Variants in ST6GALNAC3 observed in about 807,000 individuals in gnomAD.
ST6GALNAC3 encodes the protein alpha-N-acetylgalactosaminide alpha-2,6-sialyltransferase 3.
In ST6GALNAC3, 25 loss-of-function variants were observed where a neutral mutation model predicts 32.7. That is an observed-to-expected ratio of 0.76 (90% CI 0.56 to 1.07). ST6GALNAC3 has a LOEUF of 1.07. Among genes scored for constraint, ST6GALNAC3 ranks in the 50% least tolerant of loss-of-function variants. The pLI is 0.00. For synonymous variants in ST6GALNAC3, 129 were observed against 133.1 expected (o/e 0.97, Z 0.21); for missense variants, 355 against 382.4 (o/e 0.93, Z 0.60).
At chr1:76,141,623 G>A (rs1650328733) in intron 1 of ST6GALNAC3, among the ~76,000 whole-genome samples, 1 of 152,162 alleles carries the variant, frequency 6.6e-6, no homozygotes, top group African/African-American at 2.4e-5. Flanking sequence ...TGTACAGATG[G>A]ATTTTTGCCA....
At chr1:76,320,052 A>G (rs1646937781) in intron 2 of ST6GALNAC3, among the ~76,000 whole-genome samples, 1 of 152,224 alleles carries the variant, frequency 6.6e-6, no homozygotes, top group Non-Finnish European at 1.5e-5. Flanking sequence ...TCTCCAGACA[A>G]TCTATGAGTG....
chr1:76,348,325 C>T lies in ST6GALNAC3; in HGVS notation c.213+34326C>T, dbSNP rs534501608. On this transcript the variant is annotated intron_variant, in intron 2 of 4. Transcript: ENST00000328299. ...ATCACCTGTGATTTTTGTATATTTCCGAATGTGTAAGTATCTTTCCCAGTA... is the reference window on the plus strand; with the variant it reads ...ATCACCTGTGATTTTTGTATATTTCTGAATGTGTAAGTATCTTTCCCAGTA... Among the ~76,000 whole-genome samples, 19 of 152,222 alleles carry T rather than the reference C, an allele frequency of 1.2e-4. No individual in the cohort carries two copies. In the South Asian group the frequency reaches 1.7e-3, roughly 13 times the overall value.
intron 2 of ST6GALNAC3, among the ~76,000 whole-genome samples, chr1:76,322,795 G>C (rs555848496): frequency 2.1e-5 from 3 of 145,400 alleles, no homozygotes; most frequent in African/African-American, 7.8e-5. Flanking sequence ...GGTTAACCGA[G>C]TCATCTGACT....
downstream of ST6GALNAC3, among the ~76,000 whole-genome samples, chr1:76,635,466 C>T (rs1283920184): frequency 6.6e-6 from 1 of 152,140 alleles, no homozygotes; most frequent in East Asian, 1.9e-4. Flanking sequence ...CTATCACCAT[C>T]TCATATATAA....
rs576353103 is a variant in ST6GALNAC3, at chr1:76,247,000, T to C, written c.19-66805T>C. Among the ~76,000 whole-genome samples, 5 of 152,260 alleles carry C rather than the reference T, an allele frequency of 3.3e-5. No homozygotes were observed. In the East Asian group the frequency reaches 9.7e-4, roughly 29 times the overall value. On this transcript the variant is annotated intron_variant, in intron 1 of 4. Transcript: ENST00000328299. ...GGATGGGGTTTTTGTGTGGGGGTCT[T>C]TTTTGTTGATGTTGTTGTTGCTTTC... is the stretch of plus-strand genomic sequence containing the variant.
At chr1:76,169,131 G>A (rs1652313585) in intron 1 of ST6GALNAC3, among the ~76,000 whole-genome samples, 2 of 152,120 alleles carry the variant, frequency 1.3e-5, no homozygotes, top group Non-Finnish European at 2.9e-5. Context: ...ATGAGCTGTT[G>A]TAAGGTAGGT....
At chr1:76,552,733 T>C (rs1664709384) in intron 3 of ST6GALNAC3, among the ~76,000 whole-genome samples, 1 of 152,224 alleles carries the variant, frequency 6.6e-6, no homozygotes, top group African/African-American at 2.4e-5. Flanking sequence ...TTTATTTTTA[T>C]TTTTCTTTTC....
intron 3 of ST6GALNAC3, among the ~76,000 whole-genome samples, chr1:76,448,392 T>A (rs6593540): frequency 1 from 152,062 of 152,326 alleles, 75,900 homozygotes; most frequent in East Asian, 1. Flanking sequence ...GAGACGTTGG[T>A]CTATGGACTT....
chr1:76,628,497 GA>G, intron 4 of ST6GALNAC3, 122 bp from the exon 5 acceptor site: 1 of 936,622 alleles, frequency 1.1e-6, no homozygotes, highest in Non-Finnish European at 1.5e-6. Context: ...TGAGTTCATG[GA>G]CAAGAATCAT....
chr1:76,566,941 T>G (rs1286595063), intron 3 of ST6GALNAC3, among the ~76,000 whole-genome samples: 3 of 152,160 alleles, frequency 2.0e-5, no homozygotes, highest in Non-Finnish European at 2.9e-5. Flanking sequence ...TCCACATCCT[T>G]GTGATTCACT....
chr1:76,462,582 A>C (rs918793775), intron 3 of ST6GALNAC3, among the ~76,000 whole-genome samples: 1 of 152,122 alleles, frequency 6.6e-6, no homozygotes, highest in Admixed American at 6.5e-5. Context: ...CATGCATGGC[A>C]CATAGAAAGA....
chr1:76,163,953 A>G (rs1486511542), intron 1 of ST6GALNAC3, among the ~76,000 whole-genome samples: 1 of 152,116 alleles, frequency 6.6e-6, no homozygotes, highest in East Asian at 1.9e-4. Flanking sequence ...ATTCCTCCAG[A>G]TGTATTTTGC....
chr1:76,102,231 G>C (rs1647253849), intron 1 of ST6GALNAC3, among the ~76,000 whole-genome samples: 2 of 104,942 alleles, frequency 1.9e-5, no homozygotes, highest in Non-Finnish European at 4.2e-5. Flanking sequence ...TTTGCCTGGT[G>C]TGTTTGTGTG....
intron 3 of ST6GALNAC3, among the ~76,000 whole-genome samples, chr1:76,587,553 T>A (rs1039975137): frequency 1.3e-5 from 2 of 152,148 alleles, no homozygotes; most frequent in Non-Finnish European, 2.9e-5. Flanking sequence ...ACGAATCAGG[T>A]CCAAATCCCA....
At chr1:76,621,508 T>C (rs1166605484) in intron 3 of ST6GALNAC3, among the ~76,000 whole-genome samples, 1 of 152,070 alleles carries the variant, frequency 6.6e-6, no homozygotes, top group African/African-American at 2.4e-5. Flanking sequence ...TGATAGATAG[T>C]ACAAATAAAC....
intron 2 of ST6GALNAC3, among the ~76,000 whole-genome samples, chr1:76,328,434 A>G (rs764728634): frequency 6.1e-4 from 93 of 152,298 alleles, no homozygotes; most frequent in Admixed American, 2.0e-3. Flanking sequence ...TGGTGCTGAT[A>G]GGAATAACAG....
intron 1 of ST6GALNAC3, among the ~76,000 whole-genome samples, chr1:76,110,796 G>A (rs956020918): frequency 1.3e-5 from 2 of 152,356 alleles, no homozygotes; most frequent in Middle Eastern, 3.4e-3. Flanking sequence ...TCCTTAGGGG[G>A]AGAATTGCCT....
chr1:76,102,202 A>G (rs1352025129), intron 1 of ST6GALNAC3, among the ~76,000 whole-genome samples: 1 of 150,854 alleles, frequency 6.6e-6, no homozygotes, highest in Non-Finnish European at 1.5e-5. Flanking sequence ...AAACCACACC[A>G]GCTTTCTTTC....
At chr1:76,426,451 G>T (rs1464179381) in intron 3 of ST6GALNAC3, among the ~76,000 whole-genome samples, 1 of 151,650 alleles carries the variant, frequency 6.6e-6, no homozygotes, top group African/African-American at 2.4e-5. Flanking sequence ...AAGATCTTCA[G>T]AGACAACAAC....
Sources: allele counts gnomAD v4.1 joint callset (sites outside exome capture counted in the v4.1 genomes callset), GRCh38; gene constraint gnomAD v4.1.1; transcripts MANE v1.5; gene names NCBI Gene and HGNC (gene_info 2026-07-23, HGNC 2026-07-21).